Variants in CHID1 observed in about 807,000 individuals in gnomAD.
CHID1 encodes chitinase domain containing 1.
In CHID1, 44 loss-of-function variants were observed where a neutral mutation model predicts 55.4. The observed-to-expected ratio is 0.79, with a 90% CI of 0.62 to 1.02. The LOEUF is 1.02. CHID1 is among the 50% of genes least tolerant of loss of function. The pLI, the probability that CHID1 is intolerant of heterozygous loss-of-function variation, is 0.00. For missense variants in CHID1, 491 were observed against 515.3 expected (o/e 0.95, Z 0.46); for synonymous variants, 216 against 212.9 (o/e 1.01, Z -0.13).
At chr11:886,675 G>T (rs1850421650) in intron 8 of CHID1, among the ~76,000 whole-genome samples, 3 of 152,202 alleles carry the variant, frequency 2.0e-5, no homozygotes, top group Non-Finnish European at 4.4e-5. Context: ...GGTGCCGACT[G>T]CACCAGGAAG....
chr11:900,009 C>G lies in CHID1; in HGVS notation c.541G>C (p.Ala181Pro), dbSNP rs758953726. The G allele has an allele frequency of 6.2e-7, 1 of 1,612,120 alleles. No homozygotes were observed. Among genetic ancestry groups the G allele is most frequent in the Non-Finnish European group, 8.5e-7 (1 of 1,178,274 alleles). ...GAGCAGCACACAGGTCTCACCTTTGCCACCTGGACCACGGTCTTGCTCAGC... is the reference window on the plus strand; with the variant it reads ...GAGCAGCACACAGGTCTCACCTTTGGCACCTGGACCACGGTCTTGCTCAGC... Reference protein sequence around the residue: ...EELSKTVVQVAKNQHFDGFVV... With the variant: ...EELSKTVVQVPKNQHFDGFVV... Residue 181 changes from alanine to proline, a missense_variant, in exon 6 of 13, where the codon GCA becomes CCA. Coordinates refer to ENST00000323578, the MANE Select transcript of CHID1 (RefSeq NM_023947.4).
chr11:881,047 C>T (rs1036096717), intron 10 of CHID1, among the ~76,000 whole-genome samples: 4 of 152,178 alleles, frequency 2.6e-5, no homozygotes, highest in African/African-American at 9.7e-5. Flanking sequence ...TCAGAACCAG[C>T]AGACATGGGC....
chr11:884,723 A>G (rs1164045992), intron 8 of CHID1, among the ~76,000 whole-genome samples: 1 of 152,350 alleles, frequency 6.6e-6, no homozygotes, highest in East Asian at 1.9e-4. Context: ...GGGATGGAGC[A>G]AGGCTGTGTG....
chr11:893,381 C>A (rs1850986780), intron 8 of CHID1, 46 bp downstream of exon 8: 3 of 1,501,812 alleles, frequency 2.0e-6, no homozygotes, highest in East Asian at 2.5e-5. Context: ...GCCCCCGACC[C>A]CAGAGCCCTC....
chr11:872,955 C>T (rs1271288853), intron 10 of CHID1, among the ~76,000 whole-genome samples: 1 of 152,164 alleles, frequency 6.6e-6, no homozygotes, highest in African/African-American at 2.4e-5. Flanking sequence ...GCCTCCCACT[C>T]AGGAGCCCCA....
Position 900,954 on chromosome 11 carries a change from C to T in CHID1, c.421G>A (p.Ala141Thr). Reference sequence around the variant, plus strand: ...CACTTACCTATGTGCAGGCCCTTGGCATGCTTCCTGACAGCTCGCATCCAC... The same window carrying T: ...CACTTACCTATGTGCAGGCCCTTGGTATGCTTCCTGACAGCTCGCATCCAC... ...QGWMRAVRKH[A>T]KGLHIVPRLL... The change falls in exon 5 of 13, where the codon GCC becomes ACC. Residue 141 changes from alanine to threonine, a missense_variant. By Grantham distance (58) the Ala-to-Thr change is moderately conservative. Coordinates refer to ENST00000323578, the MANE Select transcript of CHID1 (RefSeq NM_023947.4). The T allele has an allele frequency of 6.2e-7, 1 of 1,603,342 alleles. No homozygotes were observed. Among genetic ancestry groups the T allele is most frequent in the Non-Finnish European group, 8.5e-7 (1 of 1,175,550 alleles).
At chr11:874,429 C>T (rs982112632) in intron 10 of CHID1, among the ~76,000 whole-genome samples, 3 of 152,174 alleles carry the variant, frequency 2.0e-5, no homozygotes, top group Admixed American at 6.5e-5. Flanking sequence ...AGCCACTGCA[C>T]TCCAGACTGG....
chr11:907,496 T>C (rs979843392), intron 1 of CHID1, among the ~76,000 whole-genome samples: 1 of 146,902 alleles, frequency 6.8e-6, no homozygotes, highest in Non-Finnish European at 1.5e-5. Context: ...AAAAAAAAAG[T>C]GATTCTACTT....
rs780648242 is a variant in CHID1, at chr11:869,858, C to CT, written c.1181dup (p.Ter394=). The CT allele has an allele frequency of 3.3e-4, 533 of 1,612,872 alleles. 4 individuals are homozygous for CT. The Admixed American group carries it at 8.3e-3, about 25-fold the overall frequency. Residue 394 remains the stop codon, a frameshift_variant and stop_retained_variant, in exon 13 of 13, where the codon TAG becomes TAAG. Coordinates refer to ENST00000323578, the MANE Select transcript of CHID1 (RefSeq NM_023947.4). LOFTEE classifies it high-confidence loss of function. ...QGLDYFYDLL[*] ...CCACCGCGGAGGCCGCAATGCCCAC[C>CT]TAGAGCAGGTCGTAGAAGTAGTCCA...
intron 7 of CHID1, among the ~76,000 whole-genome samples, chr11:895,835 C>G (rs1851229518): frequency 1.3e-5 from 2 of 152,092 alleles, no homozygotes; most frequent in Admixed American, 6.5e-5. Context: ...CCAAGCTGCT[C>G]TGAGGAGCCT....
At chr11:908,671 T>A in intron 1 of CHID1, 1 of 946,276 alleles carries the variant, frequency 1.1e-6, no homozygotes, top group Non-Finnish European at 1.3e-6. Flanking sequence ...AGGAAAGGAA[T>A]GAAAAACCAA....
At chr11:899,524 C>T in intron 6 of CHID1, 123 bp from the exon 7 acceptor site, 1 of 866,664 alleles carries the variant, frequency 1.2e-6, no homozygotes, top group South Asian at 1.5e-5. Context: ...CGAGGCAAGA[C>T]CCAAGCCTGG....
intron 8 of CHID1, among the ~76,000 whole-genome samples, chr11:888,821 G>A (rs1850590253): frequency 6.6e-6 from 1 of 151,562 alleles, no homozygotes; most frequent in Non-Finnish European, 1.5e-5. Context: ...CTGGACCCCG[G>A]GCCCACACCA....
chr11:914,258 C>G (rs1453067523), upstream of CHID1: 2 of 175,802 alleles, frequency 1.1e-5, no homozygotes, highest in African/African-American at 4.8e-5. Flanking sequence ...ACCACCTTGC[C>G]CAGGCACTAA....
intron 1 of CHID1, chr11:910,502 T>C: frequency 1.4e-6 from 1 of 726,748 alleles, no homozygotes; most frequent in African/African-American, 2.0e-5. Context: ...CCACTCGCGG[T>C]CCCCCCGACA....
intron 8 of CHID1, among the ~76,000 whole-genome samples, chr11:892,604 T>G (rs1565185168): frequency 6.6e-6 from 1 of 152,216 alleles, no homozygotes; most frequent in Non-Finnish European, 1.5e-5. Context: ...AAGCACTGCC[T>G]GCCCCAGCTC....
intron 1 of CHID1, among the ~76,000 whole-genome samples, chr11:905,172 A>G (rs1852118555): frequency 6.6e-6 from 1 of 152,206 alleles, no homozygotes; most frequent in Non-Finnish European, 1.5e-5. Context: ...CAATCTAGAA[A>G]AGCATTGGTT....
intron 7 of CHID1, among the ~76,000 whole-genome samples, chr11:894,213 G>C (rs1413410716): frequency 6.6e-6 from 1 of 151,892 alleles, no homozygotes; most frequent in African/African-American, 2.4e-5. Flanking sequence ...GGTGGCCGCA[G>C]GGCACTCCAA....
intron 1 of CHID1, among the ~76,000 whole-genome samples, chr11:905,596 G>C (rs1477560903): frequency 6.6e-6 from 1 of 152,070 alleles, no homozygotes; most frequent in Non-Finnish European, 1.5e-5. Flanking sequence ...CTTGAACCCA[G>C]GAGGCAGAGG....
Sources: allele counts gnomAD v4.1 joint callset (sites outside exome capture counted in the v4.1 genomes callset), GRCh38; gene constraint gnomAD v4.1.1; transcripts MANE v1.5; gene names NCBI Gene and HGNC (gene_info 2026-07-23, HGNC 2026-07-21).